The following C10orf90 variants were observed in gnomAD, a reference collection of about 807,000 sequenced individuals.
The protein encoded by C10orf90 is chromosome 10 open reading frame 90.
C10orf90 carries 56 observed loss-of-function variants against 62.5 expected under a neutral mutation model. The observed-to-expected ratio is 0.90, with a 90% CI of 0.72 to 1.12. The LOEUF (loss-of-function observed/expected upper bound fraction) is 1.12, where lower values mean the gene tolerates loss of function less well. Ranked by LOEUF, C10orf90 falls within the 50% of genes most tolerant of loss-of-function variation. The pLI is 0.00. For synonymous variants in C10orf90, 386 were observed against 340.4 expected (o/e 1.13, Z -1.47); for missense variants, 970 against 880.4 (o/e 1.10, Z -1.29).
chr10:126,622,131 T>C (rs957086006), intron 2 of C10orf90, among the ~76,000 whole-genome samples: 22 of 152,170 alleles, frequency 1.4e-4, no homozygotes, highest in Admixed American at 4.6e-4. Flanking sequence ...GCAGGGATCA[T>C]ATCTGGTTCG....
At chr10:126,517,998 C>G (rs763761546) in intron 2 of C10orf90, among the ~76,000 whole-genome samples, 12 of 151,054 alleles carry the variant, frequency 7.9e-5, no homozygotes, top group Non-Finnish European at 1.5e-4. Flanking sequence ...CTGACTTCAT[C>G]TGAGATGACA....
At chr10:126,442,633 GTATATATATATATATATATA>G (rs56368633) in intron 7 of C10orf90, among the ~76,000 whole-genome samples, 17,787 of 88,502 alleles carry the variant, frequency 0.2, 1,907 homozygotes, top group Middle Eastern at 0.26. Flanking sequence ...TTGTGTGTGT[GTATATATATATATATATATA>G]TATATATATA....
At chr10:126,441,581 A>C (rs191416919) in intron 7 of C10orf90, among the ~76,000 whole-genome samples, 7 of 152,314 alleles carry the variant, frequency 4.6e-5, no homozygotes, top group Admixed American at 4.6e-4. Flanking sequence ...GCACATTGTC[A>C]TCAGGTTACC....
At chr10:126,645,673 A>G (rs1362010005) in intron 2 of C10orf90, among the ~76,000 whole-genome samples, 1 of 151,918 alleles carries the variant, frequency 6.6e-6, no homozygotes, top group Non-Finnish European at 1.5e-5. Flanking sequence ...TGTTTCAAGT[A>G]ATGTTTTTGT....
chr10:126,585,004 G>A (rs1844831635), intron 2 of C10orf90, among the ~76,000 whole-genome samples: 1 of 151,986 alleles, frequency 6.6e-6, no homozygotes, highest in African/African-American at 2.4e-5. Context: ...CAGAGTCTAA[G>A]CAGGAGAGCT....
intron 1 of C10orf90, among the ~76,000 whole-genome samples, chr10:126,664,173 G>A (rs1846576583): frequency 6.6e-6 from 1 of 152,130 alleles, no homozygotes; most frequent in South Asian, 2.1e-4. Context: ...AGATTACCCT[G>A]AGCCAAGAAT....
intron 2 of C10orf90, among the ~76,000 whole-genome samples, chr10:126,543,580 G>A (rs1011037502): frequency 1.3e-5 from 2 of 152,146 alleles, no homozygotes; most frequent in African/African-American, 4.8e-5. Flanking sequence ...TCAGTACCAT[G>A]GAAGCTGCAG....
chr10:126,668,028 G>A (rs1323538265), intron 1 of C10orf90, among the ~76,000 whole-genome samples: 2 of 152,106 alleles, frequency 1.3e-5, no homozygotes, highest in Non-Finnish European at 2.9e-5. Context: ...GCGTGTGGCT[G>A]GATCATCCCT....
intron 7 of C10orf90, among the ~76,000 whole-genome samples, chr10:126,449,268 A>G (rs1293084588): frequency 6.6e-6 from 1 of 152,248 alleles, no homozygotes; most frequent in Non-Finnish European, 1.5e-5. Context: ...CCACATTAAC[A>G]GAATAAAGGA....
At chr10:126,540,085 T>C (rs1864337983) in intron 2 of C10orf90, among the ~76,000 whole-genome samples, 1 of 152,118 alleles carries the variant, frequency 6.6e-6, no homozygotes, top group Non-Finnish European at 1.5e-5. Flanking sequence ...AACAATCAAT[T>C]AGAAAATATC....
intron 1 of C10orf90, among the ~76,000 whole-genome samples, chr10:126,665,906 A>T (rs1846617808): frequency 6.6e-6 from 1 of 152,204 alleles, no homozygotes; most frequent in African/African-American, 2.4e-5. Context: ...CCCAAGAGAA[A>T]AATACCTGAA....
At chr10:126,573,915 T>C (rs1447044604) in intron 2 of C10orf90, among the ~76,000 whole-genome samples, 1 of 152,158 alleles carries the variant, frequency 6.6e-6, no homozygotes, top group Admixed American at 6.5e-5. Context: ...GATCAGAGCC[T>C]GAAAATAGGC....
chr10:126,512,888 C>T (rs1220598720), intron 3 of C10orf90, among the ~76,000 whole-genome samples: 1 of 152,038 alleles, frequency 6.6e-6, no homozygotes, highest in Non-Finnish European at 1.5e-5. Flanking sequence ...GATTTCAGGC[C>T]CGGAGTCTCT....
chr10:126,621,377 A>C lies in C10orf90; in HGVS notation c.313+25188T>G, dbSNP rs570618563. On this transcript the variant is annotated intron_variant, in intron 2 of 9. Transcript: ENST00000488181. ...TATTTTTCTTATCAATTTGTATGAC[A>C]CTTAATGGCAAAAACAGTCGTTATT... 2.0e-5 allele frequency among the ~76,000 whole-genome samples: 3 copies of C among 152,342 alleles called. No homozygotes were observed. In the East Asian group the frequency reaches 5.8e-4, roughly 29 times the overall value.
At chr10:126,612,805 T>A (rs904404529) in intron 2 of C10orf90, among the ~76,000 whole-genome samples, 11 of 152,170 alleles carry the variant, frequency 7.2e-5, no homozygotes, top group Non-Finnish European at 1.3e-4. Flanking sequence ...ATTGCCAACA[T>A]TTACGTGTTT....
intron 3 of C10orf90, among the ~76,000 whole-genome samples, chr10:126,509,155 T>C (rs1390784950): frequency 2.6e-5 from 4 of 152,192 alleles, no homozygotes; most frequent in African/African-American, 7.2e-5. Context: ...CTCTATCAGA[T>C]GTGAACGGAT....
intron 3 of C10orf90, among the ~76,000 whole-genome samples, chr10:126,511,048 T>C (rs573673321): frequency 3.9e-5 from 6 of 152,360 alleles, no homozygotes; most frequent in South Asian, 2.1e-4. Context: ...CAGAAGACTC[T>C]GCAGTCCTCT....
At chr10:126,478,678 G>A (rs957049399) in intron 4 of C10orf90, among the ~76,000 whole-genome samples, 1 of 152,146 alleles carries the variant, frequency 6.6e-6, no homozygotes, top group African/African-American at 2.4e-5. Context: ...AGTTAGGGGT[G>A]TGACCATCTC....
intron 1 of C10orf90, among the ~76,000 whole-genome samples, chr10:126,667,818 G>T (rs1846663037): frequency 6.6e-6 from 1 of 152,132 alleles, no homozygotes; most frequent in Non-Finnish European, 1.5e-5. Context: ...AAAAACATAC[G>T]CAGGGGGAGA....
Sources: gnomAD v4.1 joint callset for allele counts (sites outside exome capture counted in the v4.1 genomes callset) on GRCh38, gnomAD v4.1.1 for gene constraint, MANE v1.5 for transcripts, NCBI Gene and HGNC (gene_info 2026-07-23, HGNC 2026-07-21) for gene names.